CFAP61: variants seen among roughly 807,000 people sequenced by gnomAD.
The protein encoded by CFAP61 is cilia and flagella associated protein 61, also known as cilia- and flagella-associated protein 61.
CFAP61 carries 107 observed loss-of-function variants against 135.6 expected under a neutral mutation model. The observed-to-expected ratio is 0.79, with a 90% confidence interval of 0.67 to 0.93. The LOEUF (loss-of-function observed/expected upper bound fraction) is 0.93. Ranked by LOEUF, CFAP61 falls within the 40% of genes least tolerant of loss-of-function variation. The pLI, the probability that CFAP61 is intolerant of heterozygous loss-of-function variation, is 0.00. For synonymous variants in CFAP61, 575 were observed against 578.5 expected, an observed-to-expected ratio of 0.99 and a Z score of 0.09; for missense variants, 1,507 against 1,556.2, an observed-to-expected ratio of 0.97 and a Z score of 0.53.
At chr20:20,063,311 A>T (rs1161065998) in intron 2 of CFAP61, among the ~76,000 whole-genome samples, 2 of 152,066 alleles carry the variant, frequency 1.3e-5, no homozygotes, top group African/African-American at 2.4e-5. Flanking sequence ...TCTCACATAG[A>T]AAGAGAAATG....
intron 6 of CFAP61, among the ~76,000 whole-genome samples, chr20:20,080,831 G>A (rs565789824): frequency 1.3e-5 from 2 of 151,910 alleles, no homozygotes; most frequent in African/African-American, 2.4e-5. Flanking sequence ...GTGAAACCCC[G>A]TCTCTTCTAA....
chr20:20,312,577 A>ATATATTACATATATC, intron 25 of CFAP61, among the ~76,000 whole-genome samples: 1 of 152,156 alleles, frequency 6.6e-6, no homozygotes, highest in Admixed American at 6.5e-5. Context: ...TTTGATGAAA[A>ATATATTACATATATC]CTCACAAATC....
chr20:20,182,220 A>G (rs1476883495), intron 13 of CFAP61, among the ~76,000 whole-genome samples: 1 of 152,226 alleles, frequency 6.6e-6, no homozygotes, highest in Non-Finnish European at 1.5e-5. Flanking sequence ...TAATTTGACA[A>G]CAGTATTCTG....
chr20:20,287,694 G>A (rs907464847), intron 22 of CFAP61, among the ~76,000 whole-genome samples: 2 of 152,162 alleles, frequency 1.3e-5, no homozygotes, highest in African/African-American at 4.8e-5. Flanking sequence ...AGTATGGTTG[G>A]GACCCATGTC....
chr20:20,187,764 A>G (rs549847070), intron 13 of CFAP61, among the ~76,000 whole-genome samples, 166 bp from the exon 14 acceptor site: 21 of 152,320 alleles, frequency 1.4e-4, no homozygotes, highest in Admixed American at 5.2e-4. Context: ...CAGGTTTTCT[A>G]TAATGAAATG....
intron 21 of CFAP61, among the ~76,000 whole-genome samples, chr20:20,272,854 A>G (rs1196029966): frequency 6.6e-6 from 1 of 151,876 alleles, no homozygotes; most frequent in Non-Finnish European, 1.5e-5. Flanking sequence ...CCCAAAATTG[A>G]CTTAACCGTT....
intron 8 of CFAP61, among the ~76,000 whole-genome samples, chr20:20,134,196 C>T: frequency 6.6e-6 from 1 of 152,208 alleles, no homozygotes; most frequent in East Asian, 1.9e-4. Flanking sequence ...TTCATAGCCT[C>T]CACATAGACT....
chr20:20,215,826 CATATT>C (rs1424772551), intron 17 of CFAP61, among the ~76,000 whole-genome samples: 1 of 151,546 alleles, frequency 6.6e-6, no homozygotes, highest in Non-Finnish European at 1.5e-5. Flanking sequence ...ATATATATAT[CATATT>C]CAACTAAAAA....
At chr20:20,220,978 C>G (rs1160602287) in intron 17 of CFAP61, 1 of 152,170 alleles carries the variant, frequency 6.6e-6, no homozygotes, top group Non-Finnish European at 1.5e-5. Flanking sequence ...TAGAACAATG[C>G]AAGTCAGGTA....
At chr20:20,132,396 C>T (rs2050606518) in intron 8 of CFAP61, among the ~76,000 whole-genome samples, 1 of 151,872 alleles carries the variant, frequency 6.6e-6, no homozygotes, top group Non-Finnish European at 1.5e-5. Context: ...AGTCAGAGAA[C>T]CTACTCTGTG....
At chr20:20,291,541 C>T (rs916258452) in intron 24 of CFAP61, among the ~76,000 whole-genome samples, 1 of 152,130 alleles carries the variant, frequency 6.6e-6, no homozygotes, top group Non-Finnish European at 1.5e-5. Flanking sequence ...CTGGTTGTAT[C>T]GGTTTATTTA....
chr20:20,347,645 A>G (rs1374669560), intron 26 of CFAP61, among the ~76,000 whole-genome samples: 1 of 152,228 alleles, frequency 6.6e-6, no homozygotes, highest in Non-Finnish European at 1.5e-5. Flanking sequence ...TTAGAAATGA[A>G]CAAACTAGGC....
intron 25 of CFAP61, among the ~76,000 whole-genome samples, chr20:20,298,978 T>A (rs2055859064): frequency 6.6e-6 from 1 of 152,216 alleles, no homozygotes; most frequent in Non-Finnish European, 1.5e-5. Context: ...GGAAAGTTAC[T>A]TCTGAATGTA....
chr20:20,080,827 C>T (rs1182164313), intron 6 of CFAP61, among the ~76,000 whole-genome samples: 2 of 151,984 alleles, frequency 1.3e-5, no homozygotes, highest in Non-Finnish European at 2.9e-5. Flanking sequence ...CATGGTGAAA[C>T]CCCGTCTCTT....
intron 8 of CFAP61, among the ~76,000 whole-genome samples, chr20:20,099,273 A>G (rs2047829812): frequency 6.6e-6 from 1 of 152,178 alleles, no homozygotes; most frequent in Non-Finnish European, 1.5e-5. Context: ...ATTATGTAGT[A>G]TAGGTCTGTT....
intron 7 of CFAP61, among the ~76,000 whole-genome samples, chr20:20,097,664 GA>G (rs2047681424): frequency 6.6e-6 from 1 of 152,200 alleles, no homozygotes; most frequent in Admixed American, 6.5e-5. Context: ...AAATCATGGG[GA>G]CGACTGCAAG....
intron 22 of CFAP61, among the ~76,000 whole-genome samples, chr20:20,282,216 A>C (rs1051999490): frequency 1.1e-4 from 16 of 151,970 alleles, no homozygotes; most frequent in South Asian, 2.1e-4. Context: ...CTCCCAGTGT[A>C]GATAGGGGTT....
At chr20:20,077,387 G>A (rs1233114183) in intron 6 of CFAP61, among the ~76,000 whole-genome samples, 1 of 152,142 alleles carries the variant, frequency 6.6e-6, no homozygotes, top group Non-Finnish European at 1.5e-5. Context: ...ACAGAGATAG[G>A]AATCAGATAG....
chr20:20,163,397 C>A (rs1384181286), intron 10 of CFAP61, among the ~76,000 whole-genome samples: 2 of 152,066 alleles, frequency 1.3e-5, no homozygotes, highest in African/African-American at 4.8e-5. Context: ...TCCCAAGATT[C>A]AAAAATTCTT....
Sources: allele counts gnomAD v4.1 joint callset (sites outside exome capture counted in the v4.1 genomes callset), GRCh38; gene constraint gnomAD v4.1.1; transcripts MANE v1.5; gene names NCBI Gene and HGNC (gene_info 2026-07-23, HGNC 2026-07-21).